LYPD6: variants seen among roughly 807,000 people sequenced by gnomAD.
The protein encoded by LYPD6 is LY6/PLAUR domain containing 6.
LYPD6 carries 15 observed loss-of-function variants against 22.7 expected under a neutral mutation model. That is an observed-to-expected ratio of 0.66 (90% CI 0.44 to 1.02). The LOEUF is 1.02. Among genes scored for constraint, LYPD6 ranks in the 50% least tolerant of loss-of-function variants. The probability of loss-of-function intolerance (pLI) is 0.00; values close to 1 mark genes in which losing one functional copy is unlikely to be tolerated. For synonymous variants in LYPD6, 72 were observed against 77.5 expected, an observed-to-expected ratio of 0.93 and a Z score of 0.37; for missense variants, 189 against 208.4, an observed-to-expected ratio of 0.91 and a Z score of 0.57.
chr2:149,464,130 G>A (rs1285575076), intron 3 of LYPD6: 6 of 400,364 alleles, frequency 1.5e-5, no homozygotes, highest in African/African-American at 4.6e-5. Context: ...AAAAAAAACA[G>A]TTTAAACACA....
At position 149,443,056 on chromosome 2, in the gene LYPD6, G is replaced by C. The variant is rs576011642; in HGVS notation, c.118+5230G>C. Among the ~76,000 whole-genome samples the C allele has an allele frequency of 1.1e-4, 17 of 152,268 alleles. No individual in the cohort carries two copies. The South Asian group carries it at 3.5e-3, about 32-fold the overall frequency. On this transcript the variant is annotated intron_variant, in intron 2 of 4. Coordinates refer to ENST00000334166, the MANE Select transcript of LYPD6 (RefSeq NM_194317.5). ...TTCATTTTGCTGCCATAGTATTTTA[G>C]TTCCCACTCCTGTTTAAATTTCAAT...
rs749753974 is a variant in LYPD6, at chr2:149,449,052, C to T, written c.122C>T (p.Thr41Ile). The T allele has an allele frequency of 3.1e-6, 5 of 1,610,260 alleles. No homozygotes were observed. Among genetic ancestry groups the T allele is most frequent in the Non-Finnish European group, 4.2e-6 (5 of 1,177,636 alleles). The change falls in exon 3 of 5, where the codon ACA becomes ATA. Residue 41 changes from threonine (T) to isoleucine (I), a missense_variant. By Grantham distance (89) the Thr-to-Ile change is moderately conservative (BLOSUM62 -1). Transcript: ENST00000334166. ...TTCTCTTAATCCTTTTTTTTAGCCA[C>T]ACCATATCCTGGTGGATTTAAATGT... Reference protein sequence around the residue: ...KDIIYLHPSTTPYPGGFKCFT... With the variant: ...KDIIYLHPSTIPYPGGFKCFT...
downstream of LYPD6, among the ~76,000 whole-genome samples, chr2:149,476,457 C>A (rs1197130021): frequency 1.3e-5 from 2 of 152,104 alleles, no homozygotes; most frequent in Non-Finnish European, 2.9e-5. Context: ...TGTCCCATGT[C>A]AGAAACTGGC....
chr2:149,455,020 G>A (rs961562175), intron 3 of LYPD6, among the ~76,000 whole-genome samples: 1 of 151,982 alleles, frequency 6.6e-6, no homozygotes, highest in Non-Finnish European at 1.5e-5. Context: ...TTTTGAATCA[G>A]CAAATGCCTC....
At chr2:149,461,727 A>C (rs527566380) in intron 3 of LYPD6, among the ~76,000 whole-genome samples, 1 of 152,022 alleles carries the variant, frequency 6.6e-6, no homozygotes, top group African/African-American at 2.4e-5. Context: ...GGCTTAGTCC[A>C]TGGATACAAG....
chr2:149,435,951 T>TAAA (rs35293293), intron 1 of LYPD6, among the ~76,000 whole-genome samples: 4 of 152,216 alleles, frequency 2.6e-5, no homozygotes, highest in African/African-American at 7.2e-5. Context: ...TTCAGCTATT[T>TAAA]AAAAAAATAT....
rs1182757682 is a variant in LYPD6 at position 149,470,601 on chromosome 2, T to C, written c.349-82T>C. The C allele has an allele frequency of 8.2e-6, 10 of 1,220,318 alleles. No individual in the cohort carries two copies. The Admixed American group carries it at 1.8e-4, about 21-fold the overall frequency. 75.6% of individuals were successfully genotyped at this position (1,220,318 alleles called of 1,614,324 possible). On this transcript the variant is annotated intron_variant, in intron 4 of 4. Coordinates refer to ENST00000334166, the MANE Select transcript of LYPD6 (RefSeq NM_194317.5). Reference sequence around the variant, plus strand: ...TAATTTTTACTTGCATCTTGCCATGTGGGCGACAGTGCCTTCAAAAACCCT... The same window carrying C: ...TAATTTTTACTTGCATCTTGCCATGCGGGCGACAGTGCCTTCAAAAACCCT...
chr2:149,396,732 A>G (rs1440025856), intron 1 of LYPD6, among the ~76,000 whole-genome samples: 1 of 152,202 alleles, frequency 6.6e-6, no homozygotes, highest in Non-Finnish European at 1.5e-5. Flanking sequence ...ATGTTATTTA[A>G]CTTATCTGGG....
At chr2:149,358,556 G>A (rs970178447) in intron 1 of LYPD6, among the ~76,000 whole-genome samples, 1 of 152,160 alleles carries the variant, frequency 6.6e-6, no homozygotes, top group Non-Finnish European at 1.5e-5. Context: ...ATTGGGGGAA[G>A]TTGTTTGTTT....
At chr2:149,395,057 A>C (rs537985419) in intron 1 of LYPD6, among the ~76,000 whole-genome samples, 207 of 151,784 alleles carry the variant, frequency 1.4e-3, no homozygotes, top group Non-Finnish European at 2.4e-3. Flanking sequence ...GGGCTGACTC[A>C]CTCTGTAATG....
At chr2:149,437,284 A>G (rs1683454003) in intron 1 of LYPD6, among the ~76,000 whole-genome samples, 1 of 152,106 alleles carries the variant, frequency 6.6e-6, no homozygotes, top group South Asian at 2.1e-4. Flanking sequence ...ATTCTCAGGG[A>G]AATGCTTCTG....
chr2:149,405,193 C>A (rs963964281), intron 1 of LYPD6, among the ~76,000 whole-genome samples: 2 of 151,932 alleles, frequency 1.3e-5, no homozygotes, highest in Non-Finnish European at 2.9e-5. Flanking sequence ...GTCTAAAATT[C>A]TCTTTTTTGG....
chr2:149,369,436 T>G (rs1196714), intron 1 of LYPD6, among the ~76,000 whole-genome samples: 82,549 of 151,978 alleles, frequency 0.54, 24,222 homozygotes, highest in East Asian at 0.9. Flanking sequence ...TGAAGCCTCC[T>G]CAGATAATGA....
At chr2:149,446,405 G>T (rs181263589) in intron 2 of LYPD6, among the ~76,000 whole-genome samples, 21 of 152,300 alleles carry the variant, frequency 1.4e-4, no homozygotes, top group Non-Finnish European at 2.2e-4. Flanking sequence ...TCTGCAAAGT[G>T]TGCTAAAATG....
intron 1 of LYPD6, among the ~76,000 whole-genome samples, chr2:149,397,409 G>A (rs954465589): frequency 5.9e-5 from 9 of 152,168 alleles, no homozygotes; most frequent in Non-Finnish European, 1.2e-4. Context: ...GGTTCCCAGA[G>A]GCAGAAAACT....
chr2:149,457,014 T>C (rs1408402692), intron 3 of LYPD6, among the ~76,000 whole-genome samples: 1 of 152,244 alleles, frequency 6.6e-6, no homozygotes, highest in Non-Finnish European at 1.5e-5. Context: ...AATTTATTCA[T>C]TCTGTCGCTA....
chr2:149,484,407 A>G, the LYPD6 span, among the ~76,000 whole-genome samples: 4 of 152,176 alleles, frequency 2.6e-5, no homozygotes, highest in African/African-American at 9.7e-5. Context: ...TGTCCAGTGG[A>G]AAATCCTTTT....
intron 3 of LYPD6, among the ~76,000 whole-genome samples, chr2:149,454,652 G>C (rs1280108478): frequency 6.6e-6 from 1 of 152,116 alleles, no homozygotes. Context: ...GGCTTTACTA[G>C]ATACTGCCTG....
downstream of LYPD6, among the ~76,000 whole-genome samples, chr2:149,475,587 G>A (rs1040886898): frequency 2.0e-5 from 3 of 152,014 alleles, no homozygotes; most frequent in Non-Finnish European, 4.4e-5. Flanking sequence ...AATTACTATT[G>A]TCTTGCTGTT....
Sources: gnomAD v4.1 joint callset for allele counts (sites outside exome capture counted in the v4.1 genomes callset) on GRCh38, gnomAD v4.1.1 for gene constraint, MANE v1.5 for transcripts, NCBI Gene and HGNC (gene_info 2026-07-23, HGNC 2026-07-21) for gene names.